ADORA2A: variants seen among roughly 807,000 people sequenced by gnomAD.
ADORA2A encodes the protein adenosine A2a receptor, also known as adenosine receptor A2a.
Under a neutral mutation model 18.4 loss-of-function variants are expected in ADORA2A, and 11 were observed. The ratio of observed to expected loss-of-function variants is 0.60; its 90% CI spans 0.38 to 0.99. ADORA2A has a LOEUF of 0.99. ADORA2A is among the 50% of genes least tolerant of loss of function. The pLI is 0.01. For missense variants in ADORA2A, 449 were observed against 556.1 expected (o/e 0.81, Z 1.94); for synonymous variants, 218 against 237.3 (o/e 0.92, Z 0.75).
Position 24,441,168 on chromosome 22 carries a change from C to G in ADORA2A, c.918C>G (p.His306Gln). ...CCTTCCGCAAGATCATTCGCAGCCACGTCCTGAGGCAGCAAGAACCTTTCA... is the reference window on the plus strand; with the variant it reads ...CCTTCCGCAAGATCATTCGCAGCCAGGTCCTGAGGCAGCAAGAACCTTTCA... ...RQTFRKIIRS[H>Q]VLRQQEPFKA... Residue 306 changes from histidine (H) to glutamine (Q), a missense_variant, in exon 3 of 3, where the codon CAC becomes CAG. Transcript: ENST00000337539. The G allele has an allele frequency of 6.2e-7, 1 of 1,614,196 alleles. No homozygotes were observed. The highest frequency in any genetic ancestry group is 8.5e-7 in the Non-Finnish European group (1 of 1,180,048).
rs114781885 is a variant in ADORA2A, at chr22:24,440,311, G to A, written c.333-272G>A. 2.3e-3 allele frequency among the ~76,000 whole-genome samples: 355 copies of A among 152,322 alleles called. 1 individual carries two copies. The highest frequency in any genetic ancestry group is 7.7e-3 in the African/African-American group (321 of 41,570). ...CCAAACTAAGTCCCAGGACTACTCC[G>A]AAAACTACTCAATGACCATCTGGGC... On this transcript the variant is annotated intron_variant, in intron 2 of 2. Coordinates refer to ENST00000337539, the MANE Select transcript of ADORA2A (RefSeq NM_000675.6).
upstream of ADORA2A, among the ~76,000 whole-genome samples, chr22:24,425,652 G>A (rs964687916): frequency 6.6e-6 from 1 of 152,228 alleles, no homozygotes; most frequent in African/African-American, 2.4e-5. Context: ...TGAGAGCTGT[G>A]CTGGGCTTCT....
chr22:24,426,916 C>G (rs903799313), upstream of ADORA2A, among the ~76,000 whole-genome samples: 3 of 152,196 alleles, frequency 2.0e-5, no homozygotes, highest in African/African-American at 4.8e-5. Context: ...TCTCTCACCA[C>G]CCCCCGCCAA....
intron 1 of ADORA2A, chr22:24,431,555 C>T (rs751486132): frequency 2.0e-5 from 9 of 452,412 alleles, no homozygotes; most frequent in African/African-American, 6.0e-5. Context: ...TGCTCCATCC[C>T]TCATGTCCTG....
At chr22:24,438,151 A>G (rs1274511021) in intron 2 of ADORA2A, 2 of 152,238 alleles carry the variant, frequency 1.3e-5, no homozygotes, top group Non-Finnish European at 2.9e-5. Context: ...ACCTACCCTG[A>G]GTTACAATCT....
chr22:24,440,255 C>T (rs1022459618), intron 2 of ADORA2A, among the ~76,000 whole-genome samples: 2 of 152,140 alleles, frequency 1.3e-5, no homozygotes, highest in Non-Finnish European at 2.9e-5. Flanking sequence ...ATGTTTTCCC[C>T]CTCAAAAAAT....
chr22:24,441,452 AT>A lies in ADORA2A; in HGVS notation c.1203del (p.Asp401GlufsTer33), dbSNP rs2043341856. On this transcript the variant is annotated frameshift_variant, in exon 3 of 3. Transcript: ENST00000337539. LOFTEE classifies it high-confidence loss of function. ...GTGTGCCCAGAGCCCCCTGGCCTAGATGACCCCCTGGCCCAGGATGGAGCAG... is the reference window on the plus strand; with the variant it reads ...GTGTGCCCAGAGCCCCCTGGCCTAGAGACCCCCTGGCCCAGGATGGAGCAG... The part of the protein sequence containing the change: ...KGVCPEPPGL[D>X]DPLAQDGAGV... 1 of 1,519,660 alleles carries A rather than the reference AT, an allele frequency of 6.6e-7. No individual in the cohort carries two copies. Among genetic ancestry groups the A allele is most frequent in the Admixed American group, 2.2e-5 (1 of 44,514 alleles). 94.1% of individuals were successfully genotyped at this position (1,519,660 alleles called of 1,614,324 possible).
chr22:24,425,022 C>T (rs997151394), upstream of ADORA2A, among the ~76,000 whole-genome samples: 1 of 152,098 alleles, frequency 6.6e-6, no homozygotes, highest in Non-Finnish European at 1.5e-5. Flanking sequence ...CCCTCCGTCG[C>T]CATCCTGAAG....
intron 1 of ADORA2A, chr22:24,429,756 A>C (rs1039907657): frequency 6.6e-6 from 1 of 152,452 alleles, no homozygotes; most frequent in Non-Finnish European, 1.5e-5. Context: ...GCAAGATCAC[A>C]GATGACAGTC....
Position 24,440,986 on chromosome 22 carries a change from T to C in ADORA2A, c.736T>C (p.Trp246Arg). The stretch of plus-strand genomic sequence containing the variant: ...CATTGTGGGGCTCTTTGCCCTCTGC[T>C]GGCTGCCCCTACACATCATCAACTG... ...AIIVGLFALCWLPLHIINCFT... is the reference protein window; with the variant it reads ...AIIVGLFALCRLPLHIINCFT... Residue 246 changes from tryptophan to arginine, a missense_variant, in exon 3 of 3, where the codon TGG becomes CGG. By Grantham distance (101) the Trp-to-Arg change is moderately radical. Transcript: ENST00000337539. The C allele has an allele frequency of 6.2e-7, 1 of 1,614,192 alleles. No individual in the cohort carries two copies. The highest frequency in any genetic ancestry group is 8.5e-7 in the Non-Finnish European group (1 of 1,180,028).
intron 2 of ADORA2A, among the ~76,000 whole-genome samples, chr22:24,440,309 C>T (rs183882720): frequency 6.6e-6 from 1 of 152,260 alleles, no homozygotes; most frequent in East Asian, 1.9e-4. Flanking sequence ...CAGGACTACT[C>T]CGAAAACTAC....
upstream of ADORA2A, among the ~76,000 whole-genome samples, chr22:24,424,175 G>T (rs1484796722): frequency 3.3e-5 from 5 of 151,944 alleles, no homozygotes; most frequent in African/African-American, 7.3e-5. The surrounding 1 kb of genome is among the most constrained non-coding windows in gnomAD (Gnocchi z 4.9). Context: ...CCCCGCGGCG[G>T]CTGCCGGCAC....
chr22:24,425,580 A>G (rs2042910058), upstream of ADORA2A, among the ~76,000 whole-genome samples: 1 of 152,204 alleles, frequency 6.6e-6, no homozygotes, highest in African/African-American at 2.4e-5. Flanking sequence ...TCAGGAAGCC[A>G]GGGGCAGCCC....
Position 24,433,370 on chromosome 22 carries a change from C to G in ADORA2A, c.-35C>G, listed in dbSNP as rs112928200. On this transcript the variant is annotated 5_prime_UTR_variant, in exon 2 of 3. Coordinates refer to ENST00000337539, the MANE Select transcript of ADORA2A (RefSeq NM_000675.6). Reference sequence around the variant, plus strand: ...CAATGGACCGTGAGCTGGCCCAGCCCGCGTCCGTGCTGAGCCTGCCTGTCG... The same window carrying G: ...CAATGGACCGTGAGCTGGCCCAGCCGGCGTCCGTGCTGAGCCTGCCTGTCG... 5.5e-3 allele frequency: 8,568 copies of G among 1,559,174 alleles called. 409 individuals carry two copies. The South Asian group carries it at 0.091, about 17-fold the overall frequency.
chr22:24,425,166 C>T (rs559697582), upstream of ADORA2A, among the ~76,000 whole-genome samples: 10 of 152,080 alleles, frequency 6.6e-5, no homozygotes, highest in East Asian at 1.4e-3. Context: ...TACTCCATGA[C>T]GCGCCAGGGC....
Position 24,441,054 on chromosome 22 carries a change from G to C in ADORA2A, c.804G>C (p.Trp268Cys). 1 of 1,614,034 alleles carries C rather than the reference G, an allele frequency of 6.2e-7. No individual in the cohort carries two copies. Among genetic ancestry groups the C allele is most frequent in the South Asian group, 1.1e-5 (1 of 91,088 alleles). The change falls in exon 3 of 3, where the codon TGG becomes TGC. Residue 268 changes from tryptophan to cysteine, a missense_variant. Coordinates refer to ENST00000337539, the MANE Select transcript of ADORA2A (RefSeq NM_000675.6). ...CCGACTGCAGCCACGCCCCTCTCTG[G>C]CTCATGTACCTGGCCATCGTCCTCT... Reference protein sequence around the residue: ...FCPDCSHAPLWLMYLAIVLSH... With the variant: ...FCPDCSHAPLCLMYLAIVLSH...
chr22:24,442,269 T>G lies in ADORA2A; in HGVS notation c.*780T>G, dbSNP rs1226634961. The G allele has an allele frequency of 6.5e-6, 1 of 152,810 alleles. No homozygotes were observed. The highest frequency in any genetic ancestry group is 1.5e-5 in the Non-Finnish European group (1 of 68,054). The allele number at this position is 152,810 out of a possible 1,614,324, so 9.5% of individuals were successfully genotyped here. A position where few individuals can be genotyped will look rare whatever the true frequency, so the allele number is the denominator to read the frequency against. ...CGCAGAGCTACCCAGTGAGAGGCCT[T>G]GTCTAACTGCCTTTCCTTCTAAAGG... On this transcript the variant is annotated 3_prime_UTR_variant, in exon 3 of 3. Transcript: ENST00000337539.
Position 24,441,419 on chromosome 22 carries a change from T to TC in ADORA2A, c.1170dup (p.Lys391GlnfsTer12). The TC allele has an allele frequency of 6.5e-7, 1 of 1,538,508 alleles. No homozygotes were observed. The highest frequency in any genetic ancestry group is 1.4e-5 in the African/African-American group (1 of 72,746). ...GACGTGGAGCTCCTTAGCCATGAGC[T>TC]CAAGGGAGTGTGCCCAGAGCCCCCT... is the stretch of plus-strand genomic sequence containing the variant. On this transcript the variant is annotated frameshift_variant, in exon 3 of 3. Coordinates refer to ENST00000337539, the MANE Select transcript of ADORA2A (RefSeq NM_000675.6). LOFTEE classifies it low-confidence loss of function (END_TRUNC).
chr22:24,425,351 C>A (rs1052115702), upstream of ADORA2A, among the ~76,000 whole-genome samples: 1 of 140,400 alleles, frequency 7.1e-6, no homozygotes, highest in Non-Finnish European at 1.6e-5. Flanking sequence ...CCCCCCCCCC[C>A]GCCCAACATC....
Sources: gnomAD v4.1 joint callset for allele counts (sites outside exome capture counted in the v4.1 genomes callset) on GRCh38, gnomAD v4.1.1 for gene constraint, Gnocchi (gnomAD v3.1) non-coding constraint, MANE v1.5 for transcripts, NCBI Gene and HGNC (gene_info 2026-07-23, HGNC 2026-07-21) for gene names.